UNC79: variants seen among roughly 807,000 people sequenced by gnomAD.
UNC79 encodes unc-79 subunit of NALCN channel complex.
A neutral mutation model predicts 283.1 loss-of-function variants in UNC79; 37 were observed. The observed-to-expected ratio is 0.13, with a 90% CI of 0.10 to 0.17. UNC79 has a LOEUF of 0.17. Among genes scored for constraint, UNC79 ranks in the 10% least tolerant of loss-of-function variants. The probability of loss-of-function intolerance (pLI) is 1.00; values close to 1 mark genes in which losing one functional copy is unlikely to be tolerated. For synonymous variants in UNC79, 1,107 were observed against 1,200.2 expected (o/e 0.92, Z 1.61); for missense variants, 2,272 against 3,211.1 (o/e 0.71, Z 7.07).
chr14:93,701,938 C>T (rs2075560138), intron 47 of UNC79, among the ~76,000 whole-genome samples: 1 of 152,146 alleles, frequency 6.6e-6, no homozygotes, highest in Non-Finnish European at 1.5e-5. Flanking sequence ...AGGTATCCAC[C>T]CAGGGACAGG....
chr14:93,435,448 C>G (rs36020019), intron 1 of UNC79, among the ~76,000 whole-genome samples: 4 of 152,002 alleles, frequency 2.6e-5, no homozygotes, highest in African/African-American at 4.8e-5. Context: ...CATTAGTCCT[C>G]TCTCTCACTC....
intron 1 of UNC79, among the ~76,000 whole-genome samples, chr14:93,365,575 T>C (rs1399002238): frequency 2.0e-5 from 3 of 152,154 alleles, no homozygotes; most frequent in Non-Finnish European, 4.4e-5. Context: ...TGGAACATCC[T>C]TGACTATGAA....
intron 1 of UNC79, among the ~76,000 whole-genome samples, chr14:93,403,147 A>C (rs1429736200): frequency 6.6e-6 from 1 of 152,218 alleles, no homozygotes; most frequent in African/African-American, 2.4e-5. Flanking sequence ...AGGGGGGTAG[A>C]GGAATAGTCA....
chr14:93,443,599 A>G lies in UNC79; in HGVS notation c.22+12548A>G, dbSNP rs183410878. On this transcript the variant is annotated intron_variant, in intron 1 of 48. Transcript: ENST00000555664. ...CCACCATGCCCGGCTAATTTTTTGTATTTTTAGTAGAGACAGGGTTTCACC... is the reference window on the plus strand; with the variant it reads ...CCACCATGCCCGGCTAATTTTTTGTGTTTTTAGTAGAGACAGGGTTTCACC... Among the ~76,000 whole-genome samples the G allele has an allele frequency of 3.2e-4, 48 of 151,842 alleles. 1 individual carries two copies. The East Asian group carries it at 9.2e-3, about 29-fold the overall frequency.
intron 1 of UNC79, chr14:93,464,521 T>C (rs544048528): frequency 3.5e-5 from 16 of 456,298 alleles, no homozygotes; most frequent in Non-Finnish European, 7.0e-5. Context: ...TATCTCTGGG[T>C]ACAGTCACAT....
chr14:93,414,181 A>G (rs1480033896), intron 1 of UNC79, among the ~76,000 whole-genome samples: 1 of 151,930 alleles, frequency 6.6e-6, no homozygotes, highest in Non-Finnish European at 1.5e-5. Context: ...TAAGTCTTTA[A>G]TCCATCTTGA....
intron 5 of UNC79, among the ~76,000 whole-genome samples, chr14:93,490,609 C>T (rs2140500739): frequency 6.6e-6 from 1 of 152,324 alleles, no homozygotes; most frequent in African/African-American, 2.4e-5. Flanking sequence ...GGCCTTTCCT[C>T]CACTTTCCAG....
chr14:93,408,927 A>C (rs1163209272), intron 1 of UNC79, among the ~76,000 whole-genome samples: 1 of 152,250 alleles, frequency 6.6e-6, no homozygotes, highest in Admixed American at 6.5e-5. Flanking sequence ...TGATAGAAGG[A>C]AACTTCCTCA....
chr14:93,641,463 G>A (rs1285772713), intron 33 of UNC79, among the ~76,000 whole-genome samples: 2 of 152,062 alleles, frequency 1.3e-5, no homozygotes, highest in Admixed American at 1.3e-4. Flanking sequence ...GACTAGCCTG[G>A]GCAACATGGC....
At chr14:93,588,022 G>T (rs984701683) in intron 22 of UNC79, among the ~76,000 whole-genome samples, 1 of 152,176 alleles carries the variant, frequency 6.6e-6, no homozygotes, top group African/African-American at 2.4e-5. Flanking sequence ...AGCAGAGTTG[G>T]AAAGAAGGGA....
At chr14:93,346,749 A>G (rs1009054005) in intron 1 of UNC79, among the ~76,000 whole-genome samples, 3 of 152,180 alleles carry the variant, frequency 2.0e-5, no homozygotes, top group Non-Finnish European at 4.4e-5. Context: ...AAGACAAAGG[A>G]AAGGAGTAGG....
intron 7 of UNC79, among the ~76,000 whole-genome samples, chr14:93,507,435 A>G (rs937443822): frequency 7.2e-5 from 11 of 152,162 alleles, no homozygotes; most frequent in African/African-American, 2.4e-4. Context: ...GTGAGTGTGT[A>G]TCTTGTGGCT....
At chr14:93,507,430 T>C (rs776717936) in intron 7 of UNC79, among the ~76,000 whole-genome samples, 1 of 152,182 alleles carries the variant, frequency 6.6e-6, no homozygotes, top group Non-Finnish European at 1.5e-5. Flanking sequence ...TTCTGGTGAG[T>C]GTGTATCTTG....
chr14:93,585,351 C>A (rs2064143741), intron 20 of UNC79, among the ~76,000 whole-genome samples: 1 of 152,184 alleles, frequency 6.6e-6, no homozygotes, highest in Non-Finnish European at 1.5e-5. Context: ...TTCAGGGGTG[C>A]TCTGTCGACA....
At chr14:93,706,961 A>G (rs1044211092), downstream of UNC79, 1 of 1,589,830 alleles carries the variant, frequency 6.3e-7, no homozygotes, top group Admixed American at 1.7e-5. Context: ...GGGTTTAAAA[A>G]CAAACAATTT....
At chr14:93,544,695 G>A (rs2061520224) in intron 14 of UNC79, among the ~76,000 whole-genome samples, 1 of 152,196 alleles carries the variant, frequency 6.6e-6, no homozygotes, top group Non-Finnish European at 1.5e-5. Flanking sequence ...GATCTGCAGA[G>A]GAGAACAAGA....
chr14:93,545,387 A>T (rs2896240), intron 14 of UNC79, among the ~76,000 whole-genome samples: 149,398 of 152,334 alleles, frequency 0.98, 73,276 homozygotes, highest in African/African-American at 1. Flanking sequence ...AGAACTCTTA[A>T]AAGGAATCTC....
At chr14:93,396,767 A>ATGTGTGTGTGTGTGTGTGTGTGTGTG (rs1413500764) in intron 1 of UNC79, among the ~76,000 whole-genome samples, 2 of 76,418 alleles carry the variant, frequency 2.6e-5, no homozygotes, top group Admixed American at 1.5e-4. Context: ...TGCAAAGGGC[A>ATGTGTGTGTGTGTGTGTGTGTGTGTG]TGTGTGTGTA....
intron 1 of UNC79, among the ~76,000 whole-genome samples, chr14:93,340,720 C>T (rs1359976976): frequency 6.6e-6 from 1 of 151,944 alleles, no homozygotes; most frequent in Non-Finnish European, 1.5e-5. Flanking sequence ...TACAGATGTG[C>T]ACCACCATAC....
Sources: allele counts gnomAD v4.1 joint callset (sites outside exome capture counted in the v4.1 genomes callset), GRCh38; gene constraint gnomAD v4.1.1; transcripts MANE v1.5; gene names NCBI Gene and HGNC (gene_info 2026-07-23, HGNC 2026-07-21).